The following HMGA2 variants were observed in gnomAD, a reference collection of about 807,000 sequenced individuals.
The protein encoded by HMGA2 is high mobility group AT-hook 2.
HMGA2 carries 8 observed loss-of-function variants against 19.1 expected under a neutral mutation model. That is an observed-to-expected ratio of 0.42 (90% CI 0.25 to 0.76). The LOEUF (loss-of-function observed/expected upper bound fraction) is 0.76. Among genes scored for constraint, HMGA2 ranks in the 30% least tolerant of loss-of-function variants. HMGA2 has a pLI of 0.28. For synonymous variants in HMGA2, 60 were observed against 48.8 expected (o/e 1.23, Z -0.96); for missense variants, 109 against 136.3 (o/e 0.80, Z 1.00).
rs1263344981 is a variant in HMGA2 at position 65,965,844 on chromosome 12, T to C, written c.*2552T>C. 1 of 214,364 alleles carries C rather than the reference T, an allele frequency of 4.7e-6. No individual in the cohort carries two copies. The highest frequency in any genetic ancestry group is 2.3e-5 in the African/African-American group (1 of 44,268). 13.3% of individuals were successfully genotyped at this position (214,364 alleles called of 1,614,324 possible). The stretch of plus-strand genomic sequence containing the variant: ...CTTAAGTCCCAGTATACCTCATTTT[T>C]CATACTGAAAAAAAAAGCTTGTGGC... On this transcript the variant is annotated 3_prime_UTR_variant, in exon 5 of 5. Coordinates refer to ENST00000403681, the MANE Select transcript of HMGA2 (RefSeq NM_003483.6).
At chr12:65,922,142 C>T (rs1457048340) in intron 3 of HMGA2, among the ~76,000 whole-genome samples, 1 of 152,230 alleles carries the variant, frequency 6.6e-6, no homozygotes, top group East Asian at 1.9e-4. Context: ...AGAGTCCCAA[C>T]TGGGACACTG....
chr12:65,912,825 C>T (rs1592440764), intron 3 of HMGA2, among the ~76,000 whole-genome samples: 1 of 152,138 alleles, frequency 6.6e-6, no homozygotes, highest in Admixed American at 6.5e-5. Context: ...TGTGGATTCT[C>T]ATAGGATGAT....
At chr12:65,962,493 T>C (rs551881054) in intron 4 of HMGA2, among the ~76,000 whole-genome samples, 23 of 152,322 alleles carry the variant, frequency 1.5e-4, no homozygotes, top group African/African-American at 5.3e-4. Flanking sequence ...GTATTGAGAT[T>C]GAGCAGTTAA....
Position 65,893,996 on chromosome 12 carries a change from A to T in HMGA2, c.249+55427A>T, listed in dbSNP as rs183608289. 6.6e-5 allele frequency among the ~76,000 whole-genome samples: 10 copies of T among 152,290 alleles called. No homozygotes were observed. The East Asian group carries it at 1.9e-3, about 29-fold the overall frequency. Reference sequence around the variant, plus strand: ...TTAGTACTATAAAGAAATGATACATAGAGGGGAGTAAAAACTTGTCTAGCT... The same window carrying T: ...TTAGTACTATAAAGAAATGATACATTGAGGGGAGTAAAAACTTGTCTAGCT... On this transcript the variant is annotated intron_variant, in intron 3 of 4. Coordinates refer to ENST00000403681, the MANE Select transcript of HMGA2 (RefSeq NM_003483.6).
At chr12:65,834,988 G>A (rs1013289616) in intron 2 of HMGA2, among the ~76,000 whole-genome samples, 8 of 152,106 alleles carry the variant, frequency 5.3e-5, no homozygotes, top group Non-Finnish European at 1.0e-4. Flanking sequence ...GTAAATATTC[G>A]CATAATAGTG....
At chr12:65,907,691 G>T (rs1156334003) in intron 3 of HMGA2, among the ~76,000 whole-genome samples, 3 of 152,112 alleles carry the variant, frequency 2.0e-5, no homozygotes, top group Non-Finnish European at 1.5e-5. Flanking sequence ...TAGGGAAATT[G>T]GTGATTAACA....
At chr12:65,830,892 T>C (rs1165277829) in intron 2 of HMGA2, 1 of 151,914 alleles carries the variant, frequency 6.6e-6, no homozygotes, top group Non-Finnish European at 1.5e-5. Context: ...AGATAATTAT[T>C]CTTCAATCTA....
chr12:65,904,004 T>C (rs932376407), intron 3 of HMGA2, among the ~76,000 whole-genome samples: 9 of 152,248 alleles, frequency 5.9e-5, no homozygotes, highest in African/African-American at 2.2e-4. Flanking sequence ...CAGTATATAG[T>C]AGTAAATAAC....
At chr12:65,895,333 T>G (rs987326000) in intron 3 of HMGA2, among the ~76,000 whole-genome samples, 10 of 152,066 alleles carry the variant, frequency 6.6e-5, no homozygotes, top group African/African-American at 2.2e-4. Context: ...TGTTTGGGCC[T>G]TAAGAAGGGG....
At chr12:65,939,718 A>G (rs186013532) in intron 3 of HMGA2, among the ~76,000 whole-genome samples, 1 of 152,360 alleles carries the variant, frequency 6.6e-6, no homozygotes. Flanking sequence ...TCATAAGTAA[A>G]AAATAATGTC....
chr12:65,912,515 T>C (rs1353943574), intron 3 of HMGA2, among the ~76,000 whole-genome samples: 1 of 152,190 alleles, frequency 6.6e-6, no homozygotes, highest in Non-Finnish European at 1.5e-5. Flanking sequence ...TCCTCCAATC[T>C]GTAGAGTGTC....
At chr12:65,932,540 T>C (rs1453587552) in intron 3 of HMGA2, among the ~76,000 whole-genome samples, 1 of 152,214 alleles carries the variant, frequency 6.6e-6, no homozygotes, top group African/African-American at 2.4e-5. Flanking sequence ...AAAAAATAAA[T>C]GAATAAACAA....
At chr12:65,898,497 G>A (rs1011396192) in intron 3 of HMGA2, among the ~76,000 whole-genome samples, 1 of 152,028 alleles carries the variant, frequency 6.6e-6, no homozygotes, top group African/African-American at 2.4e-5. Context: ...GTGCTAACGA[G>A]GCATCTTTTT....
chr12:65,961,757 G>A (rs372883331), intron 4 of HMGA2, among the ~76,000 whole-genome samples: 1 of 150,058 alleles, frequency 6.7e-6, no homozygotes, highest in Non-Finnish European at 1.5e-5. Context: ...GTGTGTGTGT[G>A]TATGTGTGTG....
At chr12:65,914,989 T>C (rs1875024602) in intron 3 of HMGA2, 12 of 1,600,950 alleles carry the variant, frequency 7.5e-6, no homozygotes, top group Non-Finnish European at 9.4e-6. Context: ...AAATGTCTAT[T>C]AGTGTTCCAT....
intron 4 of HMGA2, among the ~76,000 whole-genome samples, chr12:65,961,696 G>A (rs2121330550): frequency 6.6e-6 from 1 of 152,208 alleles, no homozygotes; most frequent in African/African-American, 2.4e-5. Context: ...TTTTGCAAAG[G>A]GTTTGAAGTA....
chr12:65,939,563 CCAGG>C (rs1194885494), intron 3 of HMGA2, among the ~76,000 whole-genome samples: 1 of 152,138 alleles, frequency 6.6e-6, no homozygotes, highest in Non-Finnish European at 1.5e-5. Flanking sequence ...ACCATGTTGG[CCAGG>C]CTGGTCTTGA....
chr12:65,940,545 T>A (rs556560594), intron 3 of HMGA2, among the ~76,000 whole-genome samples: 6 of 152,344 alleles, frequency 3.9e-5, no homozygotes, highest in African/African-American at 1.4e-4. Flanking sequence ...TAGATTTTTA[T>A]TATGTTTTTA....
intron 3 of HMGA2, among the ~76,000 whole-genome samples, chr12:65,922,935 A>AG (rs574325774): frequency 1.7e-3 from 260 of 152,274 alleles, no homozygotes; most frequent in African/African-American, 6.0e-3. Flanking sequence ...CCATGTAAGA[A>AG]GTGTCTTTCG....
Sources: gnomAD v4.1 joint callset for allele counts (sites outside exome capture counted in the v4.1 genomes callset) on GRCh38, gnomAD v4.1.1 for gene constraint, MANE v1.5 for transcripts, NCBI Gene and HGNC (gene_info 2026-07-23, HGNC 2026-07-21) for gene names.